Variants in ZNF676 observed in about 807,000 individuals in gnomAD.
ZNF676 encodes the protein zinc finger protein 676.
Under a neutral mutation model 6.0 loss-of-function variants are expected in ZNF676, and 4 were observed. The ratio of observed to expected loss-of-function variants is 0.67; its 90% CI spans 0.33 to 1.53. The LOEUF (loss-of-function observed/expected upper bound fraction) is 1.53, where lower values mean the gene tolerates loss of function less well. Ranked by LOEUF, ZNF676 falls within the 40% of genes most tolerant of loss-of-function variation. The pLI is 0.06. For missense variants in ZNF676, 644 were observed against 679.7 expected (o/e 0.95, Z 0.58); for synonymous variants, 198 against 223.1 (o/e 0.89, Z 1.00).
chr19:22,182,526 T>C (rs1366936081), intron 2 of ZNF676, among the ~76,000 whole-genome samples: 1 of 121,478 alleles, frequency 8.2e-6, no homozygotes, highest in Non-Finnish European at 1.7e-5. Context: ...AAATAACCAG[T>C]GAATTGTCAA....
Position 22,179,443 on chromosome 19 carries a change from A to G in ZNF676, c.*507T>C. 2.9e-6 allele frequency: 1 copy of G among 343,164 alleles called. No individual in the cohort carries two copies. The highest frequency in any genetic ancestry group is 3.9e-5 in the Admixed American group (1 of 25,608). The allele number at this position is 343,164 out of a possible 1,614,324, so 21.3% of individuals were successfully genotyped here. A position where few individuals can be genotyped will look rare whatever the true frequency, so the allele number is the denominator to read the frequency against. On this transcript the variant is annotated 3_prime_UTR_variant, in exon 3 of 3. Transcript: ENST00000397121. ...TAAAGGCTTTGCCACATTCCACACA[A>G]TTATAGGAATTCCCTCCAGTATGAA...
intron 2 of ZNF676, among the ~76,000 whole-genome samples, chr19:22,186,358 C>CT (rs938264551): frequency 3.9e-5 from 6 of 152,158 alleles, no homozygotes; most frequent in Non-Finnish European, 5.9e-5. Context: ...CCAGGCCTGC[C>CT]TTACAAGAGC....
chr19:22,196,518 T>A, intron 1 of ZNF676, 82 bp downstream of exon 1: 1 of 1,605,126 alleles, frequency 6.2e-7, no homozygotes, highest in Non-Finnish European at 8.5e-7. Context: ...GCATTCATCC[T>A]CCTTTGTTCA....
the ZNF676 span, among the ~76,000 whole-genome samples, chr19:22,236,705 T>G: frequency 6.6e-6 from 1 of 152,212 alleles, no homozygotes; most frequent in African/African-American, 2.4e-5. Context: ...TATTTAAAAT[T>G]AGTCTTTTTT....
intron 1 of ZNF676, among the ~76,000 whole-genome samples, chr19:22,214,350 T>C (rs964066269): frequency 1.3e-5 from 2 of 152,086 alleles, no homozygotes; most frequent in African/African-American, 4.8e-5. Context: ...CGTGGCGGCT[T>C]ACACCTGTAA....
chr19:22,215,590 G>A (rs2144839395), intron 1 of ZNF676: 1 of 1,607,516 alleles, frequency 6.2e-7, no homozygotes, highest in Non-Finnish European at 8.5e-7. Flanking sequence ...GTTCCAACCA[G>A]CCCAGGCCAC....
Position 22,180,317 on chromosome 19 carries a change from T to C in ZNF676, c.1400A>G (p.His467Arg). Residue 467 changes from histidine (H) to arginine (R), a missense_variant, in exon 3 of 3, where the codon CAC becomes CGC. By Grantham distance (29) the His-to-Arg change is conservative. Coordinates refer to ENST00000397121, the MANE Select transcript of ZNF676 (RefSeq NM_001001411.3). ...AFTWSSSFTK[H>R]KRIHAAEKPY... ...TTTCTCTGCAGCATGAATTCTCTTGTGTTTAGTAAAGCTTGAGGACCAGGT... is the reference window on the plus strand; with the variant it reads ...TTTCTCTGCAGCATGAATTCTCTTGCGTTTAGTAAAGCTTGAGGACCAGGT... 6.2e-7 allele frequency: 1 copy of C among 1,612,970 alleles called. No homozygotes were observed. Among genetic ancestry groups the C allele is most frequent in the Non-Finnish European group, 8.5e-7 (1 of 1,178,978 alleles).
chr19:22,211,762 A>G (rs552025073), intron 1 of ZNF676, among the ~76,000 whole-genome samples: 57 of 152,332 alleles, frequency 3.7e-4, no homozygotes, highest in Non-Finnish European at 5.7e-4. Flanking sequence ...TCACGAATCT[A>G]TGTAACTCAC....
upstream of ZNF676, among the ~76,000 whole-genome samples, chr19:22,219,585 T>G (rs2024227797): frequency 6.6e-6 from 1 of 152,172 alleles, no homozygotes; most frequent in African/African-American, 2.4e-5. Context: ...CATTATTGTC[T>G]TGTTCCAGTT....
chr19:22,184,508 C>T (rs1167875231), intron 2 of ZNF676, among the ~76,000 whole-genome samples: 2 of 151,928 alleles, frequency 1.3e-5, no homozygotes, highest in Non-Finnish European at 2.9e-5. Context: ...CCCAGAAGGC[C>T]AGTGAGACAG....
chr19:22,184,355 C>A (rs2145789980), intron 2 of ZNF676, among the ~76,000 whole-genome samples: 1 of 152,306 alleles, frequency 6.6e-6, no homozygotes, highest in Admixed American at 6.5e-5. Context: ...ATGGTCTTCA[C>A]AACCCACAGA....
the ZNF676 span, among the ~76,000 whole-genome samples, chr19:22,253,643 G>A: frequency 1.2e-3 from 177 of 151,868 alleles, no homozygotes; most frequent in African/African-American, 4.0e-3. Flanking sequence ...CAGGTAGAAA[G>A]GATCTAACTT....
chr19:22,215,180 T>C (rs779603201), intron 1 of ZNF676, among the ~76,000 whole-genome samples: 4 of 151,924 alleles, frequency 2.6e-5, no homozygotes, highest in Non-Finnish European at 5.9e-5. Context: ...TAAACTACAA[T>C]CCATAGTTGG....
At chr19:22,224,027 T>C in the ZNF676 span, among the ~76,000 whole-genome samples, 1 of 151,770 alleles carries the variant, frequency 6.6e-6, no homozygotes, top group South Asian at 2.1e-4. Context: ...AGCTTATCAT[T>C]AGAATCTTCT....
chr19:22,256,695 G>A, the ZNF676 span, among the ~76,000 whole-genome samples: 1 of 152,100 alleles, frequency 6.6e-6, no homozygotes, highest in Non-Finnish European at 1.5e-5. Context: ...GCAGGGCCCA[G>A]GCAAAATAGG....
the ZNF676 span, among the ~76,000 whole-genome samples, chr19:22,250,182 C>CA: frequency 2.1e-3 from 241 of 113,614 alleles, 1 homozygote; most frequent in Middle Eastern, 5.0e-3. Context: ...AACTCCATCT[C>CA]AAAAAAAAAA....
At chr19:22,189,159 T>C (rs1005435273) in intron 2 of ZNF676, among the ~76,000 whole-genome samples, 1 of 152,022 alleles carries the variant, frequency 6.6e-6, no homozygotes, top group Admixed American at 6.6e-5. Context: ...CAAACAGATA[T>C]ATAGACAACT....
chr19:22,185,571 T>C (rs1382440929), intron 2 of ZNF676, among the ~76,000 whole-genome samples: 6 of 150,516 alleles, frequency 4.0e-5, no homozygotes, highest in African/African-American at 4.9e-5. Flanking sequence ...AGGTGGGTAA[T>C]AACAAACTCC....
intron 2 of ZNF676, 105 bp from the exon 3 acceptor site, chr19:22,181,691 C>T: frequency 3.6e-6 from 3 of 839,668 alleles, no homozygotes; most frequent in Non-Finnish European, 5.3e-6. Context: ...AGCAAGACGA[C>T]ATTGCAATAT....
Sources: gnomAD v4.1 joint callset for allele counts (sites outside exome capture counted in the v4.1 genomes callset) on GRCh38, gnomAD v4.1.1 for gene constraint, MANE v1.5 for transcripts, NCBI Gene and HGNC (gene_info 2026-07-23, HGNC 2026-07-21) for gene names.